The following SCARF2 variants were observed in gnomAD, a reference collection of about 807,000 sequenced individuals.
The protein encoded by SCARF2 is scavenger receptor expressed by endothelial cells 2 protein.
Under a neutral mutation model 73.4 loss-of-function variants are expected in SCARF2, and 39 were observed. The observed-to-expected ratio is 0.53, with a 90% CI of 0.41 to 0.69. The LOEUF (loss-of-function observed/expected upper bound fraction) is 0.69, where lower values mean the gene tolerates loss of function less well. Among genes scored for constraint, SCARF2 ranks in the 30% least tolerant of loss-of-function variants. The pLI is 0.00. For synonymous variants in SCARF2, 605 were observed against 590.0 expected, an observed-to-expected ratio of 1.03 and a Z score of -0.37; for missense variants, 1,148 against 1,303.5, an observed-to-expected ratio of 0.88 and a Z score of 1.84.
Position 20,431,802 on chromosome 22 carries a change from C to T in SCARF2, c.277G>A (p.Val93Met), listed in dbSNP as rs373326409. The change falls in exon 3 of 11, where the codon GTG becomes ATG. Residue 93 changes from valine to methionine, a missense_variant. Coordinates refer to ENST00000622235, the MANE Select transcript of SCARF2 (RefSeq NM_182895.5). ...NSTCSENEVC[V>M]RPGECRCRHG... is the part of the protein sequence containing the mutation. ...CGGCAGCGGCACTCGCCAGGCCTCA[C>T]GCACACCTCGTTCTCTGAGCACGTG... 8 of 1,597,204 alleles carry T rather than the reference C, an allele frequency of 5.0e-6. No individual in the cohort carries two copies. The African/African-American group carries it at 6.7e-5, about 13-fold the overall frequency.
intron 1 of SCARF2, among the ~76,000 whole-genome samples, chr22:20,436,685 G>A (rs1247045913): frequency 2.0e-5 from 3 of 152,138 alleles, no homozygotes; most frequent in African/African-American, 7.2e-5. Context: ...CAGCCCGTGC[G>A]GCGTCTCCAA....
Position 20,435,292 on chromosome 22 carries a change from A to G in SCARF2, c.173+2290T>C, listed in dbSNP as rs554115371. ...GAGCTCTAGCTTCTAAACGATATCT[A>G]AAATGGGATCACTTCCTCCTTCCCT... is the stretch of plus-strand genomic sequence containing the variant. On this transcript the variant is annotated intron_variant, in intron 1 of 10. Transcript: ENST00000622235. Among the ~76,000 whole-genome samples the G allele has an allele frequency of 1.7e-4, 26 of 152,332 alleles. 1 individual carries two copies. The highest frequency in any genetic ancestry group is 6.0e-4 in the African/African-American group (25 of 41,574).
chr22:20,433,380 T>G (rs2052667970), intron 1 of SCARF2, among the ~76,000 whole-genome samples: 1 of 152,178 alleles, frequency 6.6e-6, no homozygotes, highest in Non-Finnish European at 1.5e-5. Context: ...GGATTCAGTA[T>G]CTGAATCTAG....
At chr22:20,436,419 G>GGGGAGGCCC (rs2052699468) in intron 1 of SCARF2, among the ~76,000 whole-genome samples, 1 of 152,096 alleles carries the variant, frequency 6.6e-6, no homozygotes, top group Non-Finnish European at 1.5e-5. Context: ...TCCTGGGGCC[G>GGGGAGGCCC]GGGAGGCCCG....
Position 20,437,682 on chromosome 22 carries a change from G to T in SCARF2, c.73C>A (p.Leu25Met). The change falls in exon 1 of 11, where the codon CTG becomes ATG. Residue 25 changes from leucine (L) to methionine (M), a missense_variant. Leu to Met is a conservative substitution (Grantham distance 15). Around this residue, in one of 5 missense-constraint regions of SCARF2, gnomAD observed 124 missense variants for 120.4 expected, o/e 1.03. Coordinates refer to ENST00000622235, the MANE Select transcript of SCARF2 (RefSeq NM_182895.5). ...AGCAGCAGCAGCAGCAGCGACGGCAGCAGCGGTGACGGCGGCCCCCCGGCT... is the reference window on the plus strand; with the variant it reads ...AGCAGCAGCAGCAGCAGCGACGGCATCAGCGGTGACGGCGGCCCCCCGGCT... Reference protein sequence around the residue: ...RGAGGPPSPLLPSLLLLLLLW... With the variant: ...RGAGGPPSPLMPSLLLLLLLW... 6.7e-7 allele frequency: 1 copy of T among 1,487,856 alleles called. No homozygotes were observed. The allele number at this position is 1,487,856 out of a possible 1,614,324, so 92.2% of individuals were successfully genotyped here.
At position 20,430,428 on chromosome 22, in the gene SCARF2, C is replaced by A; in HGVS notation, c.1202+1G>T. 1 of 1,588,922 alleles carries A rather than the reference C, an allele frequency of 6.3e-7. No individual in the cohort carries two copies. The highest frequency in any genetic ancestry group is 1.1e-5 in the South Asian group (1 of 88,042). On this transcript the variant is annotated splice_donor_variant, in intron 6 of 10. Transcript: ENST00000622235. LOFTEE classifies it high-confidence loss of function. The stretch of plus-strand genomic sequence containing the variant: ...CCCCCTCCCGGTCCCGGGGCACTCA[C>A]TGGGGCCCGTGGACGCCAGGGCTGC...
intron 2 of SCARF2, 30 bp from the exon 3 acceptor site, chr22:20,431,876 G>T: frequency 6.3e-7 from 1 of 1,596,336 alleles, no homozygotes; most frequent in Non-Finnish European, 8.5e-7. Context: ...GAGCTGCTGC[G>T]CGTCCTAGCC....
intron 1 of SCARF2, among the ~76,000 whole-genome samples, chr22:20,435,659 C>T (rs1264286587): frequency 1.3e-5 from 2 of 152,194 alleles, no homozygotes; most frequent in African/African-American, 2.4e-5. Context: ...ACAGGGCCTC[C>T]GTGCTCTTCT....
chr22:20,430,048 G>C, intron 6 of SCARF2: 1 of 625,520 alleles, frequency 1.6e-6, no homozygotes, highest in Admixed American at 2.8e-5. Flanking sequence ...CACTAGTGGG[G>C]GGGCCTGGGG....
At position 20,437,488 on chromosome 22, in the gene SCARF2, A is replaced by G. The variant is rs2052713364; in HGVS notation, c.173+94T>C. ...CGAAGGGGCCCACACTTGGCGTAGG[A>G]AGGTTCCGGTAGCCCCCTCCCAATG... On this transcript the variant is annotated intron_variant, in intron 1 of 10. Coordinates refer to ENST00000622235, the MANE Select transcript of SCARF2 (RefSeq NM_182895.5). 6 of 1,327,850 alleles carry G rather than the reference A, an allele frequency of 4.5e-6. No individual in the cohort carries two copies. The South Asian group carries it at 7.8e-5, about 17-fold the overall frequency. The allele number at this position is 1,327,850 out of a possible 1,614,324, so 82.3% of individuals were successfully genotyped here.
intron 9 of SCARF2, among the ~76,000 whole-genome samples, chr22:20,428,538 A>G (rs2146125061): frequency 6.6e-6 from 1 of 152,296 alleles, no homozygotes; most frequent in East Asian, 1.9e-4. Flanking sequence ...TCCAGGCCTC[A>G]GGTGATCCAC....
chr22:20,431,564 A>C, intron 3 of SCARF2, 27 bp from the exon 4 acceptor site: 1 of 1,555,722 alleles, frequency 6.4e-7, no homozygotes, highest in Non-Finnish European at 8.7e-7. Context: ...GAGGGGGTGG[A>C]AGGCCCCGGT....
rs1846175519 is a variant in SCARF2 at position 20,425,672 on chromosome 22, G to A, written c.2304C>T (p.Ser768=). The A allele has an allele frequency of 1.6e-6, 2 of 1,249,228 alleles. No individual in the cohort carries two copies. Among genetic ancestry groups the A allele is most frequent in the Non-Finnish European group, 2.0e-6 (2 of 999,054 alleles). 77.4% of individuals were successfully genotyped at this position (1,249,228 alleles called of 1,614,324 possible). ...GPPRSAPEAA[S]MLAAELRGKT... is the part of the protein sequence containing the mutation. ...TGCCGCGCAGCTCAGCGGCCAACAT[G>A]GAGGCAGCCTCGGGCGCGCTTCGCG... The change falls in exon 11 of 11, where the codon TCC becomes TCT. Residue 768 remains serine, a synonymous_variant. Coordinates refer to ENST00000622235, the MANE Select transcript of SCARF2 (RefSeq NM_182895.5). This position sits in a 1 kb window ranked among gnomAD's most constrained non-coding sequence, Gnocchi z 4.6.
chr22:20,430,140 ACCCTTGGCTGTAAGTGGAGGT>A (rs1323655911), intron 6 of SCARF2, among the ~76,000 whole-genome samples: 1 of 151,948 alleles, frequency 6.6e-6, no homozygotes, highest in Non-Finnish European at 1.5e-5. Flanking sequence ...GCTGAACCAG[ACCCTTGGCTGTAAGTGGAGGT>A]CCCTGGTCCT....
At position 20,429,572 on chromosome 22, in the gene SCARF2, C is replaced by T; in HGVS notation, c.1388G>A (p.Cys463Tyr). 1.2e-6 allele frequency: 2 copies of T among 1,613,278 alleles called. No homozygotes were observed. Among genetic ancestry groups the T allele is most frequent in the Non-Finnish European group, 1.7e-6 (2 of 1,179,864 alleles). ...LVCLLLSLLGCCCACRGKDPT... is the reference protein window; with the variant it reads ...LVCLLLSLLGYCCACRGKDPT... ...GTCCTTGCCGCGGCAAGCGCAGCAGCAGCCGAGCAGCGAGAGCAGCAGGCA... is the reference window on the plus strand; with the variant it reads ...GTCCTTGCCGCGGCAAGCGCAGCAGTAGCCGAGCAGCGAGAGCAGCAGGCA... The change falls in exon 8 of 11, where the codon TGC becomes TAC. Residue 463 changes from cysteine to tyrosine, a missense_variant. Transcript: ENST00000622235. The surrounding 1 kb of genome is among the most constrained non-coding windows in gnomAD (Gnocchi z 5.2).
Position 20,431,197 on chromosome 22 carries a change from C to T in SCARF2, c.675G>A (p.Gln225=). Residue 225 remains glutamine (Q), a synonymous_variant, in exon 4 of 11, where the codon CAG becomes CAA. Transcript: ENST00000622235. ...GCTCGCGGCACTGACAGCGGCCGCT[C>T]TGCTGCTCGCAGGGAGACGAGTTGC... ...CACNSSPCEQ[Q]SGRCQCRERT... is the part of the protein sequence containing the mutation. The T allele has an allele frequency of 6.4e-7, 1 of 1,561,662 alleles. No homozygotes were observed. Among genetic ancestry groups the T allele is most frequent in the Non-Finnish European group, 8.6e-7 (1 of 1,162,262 alleles).
At position 20,429,632 on chromosome 22, in the gene SCARF2, A is replaced by T. The variant is rs771677031; in HGVS notation, c.1328T>A (p.Val443Glu). The change falls in exon 8 of 11, where the codon GTG becomes GAG. Residue 443 changes from valine (V) to glutamate (E), a missense_variant. By Grantham distance (121) the Val-to-Glu change is moderately radical. Around this residue, in one of 5 missense-constraint regions of SCARF2, gnomAD observed 437 missense variants for 433.6 expected, o/e 1.01. Transcript: ENST00000622235. This position sits in a 1 kb window ranked among gnomAD's most constrained non-coding sequence, Gnocchi z 5.2. ...CHLETNQRKG[V>E]MGAGALLVLL... ...GACGAGCAGCGCGCCCGCGCCCATC[A>T]CGCCCTTGCGCTGGTTGGTTTCTGT... The T allele has an allele frequency of 5.6e-6, 9 of 1,613,682 alleles. No homozygotes were observed. The highest frequency in any genetic ancestry group is 7.6e-6 in the Non-Finnish European group (9 of 1,179,918).
At position 20,430,670 on chromosome 22, in the gene SCARF2, AC is replaced by A; in HGVS notation, c.1073+19del. 6.3e-7 allele frequency: 1 copy of A among 1,597,076 alleles called. No homozygotes were observed. Among genetic ancestry groups the A allele is most frequent in the Non-Finnish European group, 8.5e-7 (1 of 1,172,560 alleles). On this transcript the variant is annotated intron_variant, in intron 5 of 10. Transcript: ENST00000622235. ...GGCGGGGGACTGCGTGTCTGGGCCG[AC>A]GCAGGCAGGGCTGCTCACCGGTCGC...
At chr22:20,430,030 T>C in intron 6 of SCARF2, 197 bp from the exon 7 acceptor site, 3 of 642,520 alleles carry the variant, frequency 4.7e-6, no homozygotes, top group Non-Finnish European at 8.1e-6. Flanking sequence ...GAAACGAATG[T>C]TGCACAACAC....
Sources: allele counts gnomAD v4.1 joint callset (sites outside exome capture counted in the v4.1 genomes callset), GRCh38; gene constraint gnomAD v4.1.1; regional missense constraint gnomAD v4.1.1; non-coding constraint Gnocchi (gnomAD v3.1); transcripts MANE v1.5; gene names NCBI Gene and HGNC (gene_info 2026-07-23, HGNC 2026-07-21).